TNFSF4: variants seen among roughly 807,000 people sequenced by gnomAD.
TNFSF4 encodes TNF superfamily member 4, also known as tumor necrosis factor ligand superfamily member 4.
In TNFSF4, 4 loss-of-function variants were observed where a neutral mutation model predicts 7.3. The observed-to-expected ratio is 0.55, with a 90% CI of 0.27 to 1.25. The LOEUF (loss-of-function observed/expected upper bound fraction) is 1.25, where lower values mean the gene tolerates loss of function less well. Among genes scored for constraint, TNFSF4 ranks in the 50% most tolerant of loss-of-function variants. TNFSF4 has a pLI of 0.12. For synonymous variants in TNFSF4, 76 were observed against 83.7 expected (o/e 0.91, Z 0.50); for missense variants, 181 against 208.8 (o/e 0.87, Z 0.82).
the TNFSF4 span, among the ~76,000 whole-genome samples, chr1:173,351,062 T>G: frequency 1.3e-5 from 2 of 152,190 alleles, no homozygotes; most frequent in Non-Finnish European, 2.9e-5. Flanking sequence ...ATACTAATAA[T>G]AAGTCCAAAA....
chr1:173,373,657 C>T, the TNFSF4 span, among the ~76,000 whole-genome samples: 1 of 152,046 alleles, frequency 6.6e-6, no homozygotes, highest in South Asian at 2.1e-4. Flanking sequence ...AGGAATAATC[C>T]CTTGGTCCAT....
the TNFSF4 span, among the ~76,000 whole-genome samples, chr1:173,312,754 A>T: frequency 6.6e-6 from 1 of 152,072 alleles, no homozygotes; most frequent in Non-Finnish European, 1.5e-5. Flanking sequence ...GTGGGGGCTT[A>T]TCTAAAATGG....
chr1:173,428,559 T>A, the TNFSF4 span, among the ~76,000 whole-genome samples: 1 of 152,266 alleles, frequency 6.6e-6, no homozygotes, highest in Admixed American at 6.5e-5. Context: ...AAATTGTGCA[T>A]ATGCATTTAT....
the TNFSF4 span, among the ~76,000 whole-genome samples, chr1:173,299,106 G>A: frequency 1.3e-5 from 2 of 151,922 alleles, no homozygotes; most frequent in African/African-American, 4.8e-5. Context: ...TTTAAATATT[G>A]TAGTGGATGC....
the TNFSF4 span, among the ~76,000 whole-genome samples, chr1:173,230,607 C>A: frequency 6.6e-6 from 1 of 152,024 alleles, no homozygotes; most frequent in Non-Finnish European, 1.5e-5. Context: ...GATAGAGACA[C>A]AACACCCTTC....
At chr1:173,434,684 C>G in the TNFSF4 span, among the ~76,000 whole-genome samples, 1 of 152,152 alleles carries the variant, frequency 6.6e-6, no homozygotes, top group Non-Finnish European at 1.5e-5. Flanking sequence ...CCATGGAGAC[C>G]AAATGCCAGC....
chr1:173,293,340 A>G, the TNFSF4 span, among the ~76,000 whole-genome samples: 1 of 152,036 alleles, frequency 6.6e-6, no homozygotes, highest in Non-Finnish European at 1.5e-5. Context: ...CCATCTGATC[A>G]TCAACAACAC....
chr1:173,373,781 TG>T, the TNFSF4 span, among the ~76,000 whole-genome samples: 76 of 152,234 alleles, frequency 5.0e-4, no homozygotes, highest in Admixed American at 9.2e-4. Flanking sequence ...TGGTCTGTGC[TG>T]ACACCTTTAC....
the TNFSF4 span, among the ~76,000 whole-genome samples, chr1:173,442,518 G>A: frequency 2.1e-5 from 3 of 141,136 alleles, no homozygotes; most frequent in Non-Finnish European, 4.7e-5. Context: ...TGTTTGTTTG[G>A]TTTTCGGTTT....
chr1:173,435,334 T>C, the TNFSF4 span, among the ~76,000 whole-genome samples: 1 of 152,224 alleles, frequency 6.6e-6, no homozygotes, highest in Non-Finnish European at 1.5e-5. Context: ...CGCTCTGGAC[T>C]GAATTGTGTC....
At chr1:173,205,463 G>A in intron 1 of TNFSF4, 2 of 1,537,308 alleles carry the variant, frequency 1.3e-6, no homozygotes, top group Admixed American at 1.8e-5. Context: ...CCAACCACCA[G>A]CAAGCTGTAC....
rs1557876669 is a variant in TNFSF4 at position 173,185,507 on chromosome 1, T to C, written c.*1009A>G. 6.6e-6 allele frequency: 1 copy of C among 152,178 alleles called. No homozygotes were observed. Among genetic ancestry groups the C allele is most frequent in the Non-Finnish European group, 1.5e-5 (1 of 68,022 alleles). 9.4% of individuals were successfully genotyped at this position (152,178 alleles called of 1,614,324 possible). A position where few individuals can be genotyped will look rare whatever the true frequency, so the allele number is the denominator to read the frequency against. Reference sequence around the variant, plus strand: ...CTTCTTAGTGCTATTTGACATCAGATTGAATTTGATAATAGGATCACCTCA... The same window carrying C: ...CTTCTTAGTGCTATTTGACATCAGACTGAATTTGATAATAGGATCACCTCA... On this transcript the variant is annotated 3_prime_UTR_variant, in exon 3 of 3. Coordinates refer to ENST00000281834, the MANE Select transcript of TNFSF4 (RefSeq NM_003326.5).
chr1:173,206,970 C>A, intron 1 of TNFSF4, 54 bp downstream of exon 1: 1 of 1,535,298 alleles, frequency 6.5e-7, no homozygotes, highest in South Asian at 1.2e-5. Context: ...GCAGCTGTTG[C>A]AGCTGCCATC....
At chr1:173,205,186 G>C in intron 1 of TNFSF4, 4 of 1,169,234 alleles carry the variant, frequency 3.4e-6, no homozygotes, top group Non-Finnish European at 3.6e-6. Flanking sequence ...GCAAAAAAAA[G>C]AAATCTATTT....
chr1:173,210,830 A>G (rs1650351610), upstream of TNFSF4, among the ~76,000 whole-genome samples: 1 of 152,126 alleles, frequency 6.6e-6, no homozygotes, highest in African/African-American at 2.4e-5. Context: ...TGAGATCTAA[A>G]ATTCCACCTC....
At chr1:173,333,699 A>C in the TNFSF4 span, among the ~76,000 whole-genome samples, 133,659 of 152,194 alleles carry the variant, frequency 0.88, 59,283 homozygotes, top group South Asian at 0.97. Context: ...ACCATTCAGG[A>C]ACCCTGTTCT....
chr1:173,182,047 T>C (rs1649064603), downstream of TNFSF4, among the ~76,000 whole-genome samples: 2 of 152,150 alleles, frequency 1.3e-5, no homozygotes, highest in South Asian at 4.2e-4. Flanking sequence ...CTCCTAACAT[T>C]CCATTTGATA....
At chr1:173,285,400 AC>A in the TNFSF4 span, among the ~76,000 whole-genome samples, 1 of 152,202 alleles carries the variant, frequency 6.6e-6, no homozygotes, top group Admixed American at 6.5e-5. Context: ...TGAAATGACA[AC>A]AAAGGACTTT....
At chr1:173,192,600 G>A (rs1041245455) in intron 1 of TNFSF4, among the ~76,000 whole-genome samples, 2 of 152,050 alleles carry the variant, frequency 1.3e-5, no homozygotes, top group African/African-American at 4.8e-5. Flanking sequence ...TGTTTTTAGG[G>A]TAGTGAAAGC....
Sources: gnomAD v4.1 joint callset for allele counts (sites outside exome capture counted in the v4.1 genomes callset) on GRCh38, gnomAD v4.1.1 for gene constraint, MANE v1.5 for transcripts, NCBI Gene and HGNC (gene_info 2026-07-23, HGNC 2026-07-21) for gene names.